DNAH2: variants seen among roughly 807,000 people sequenced by gnomAD.
DNAH2 encodes the protein dynein axonemal heavy chain 2, also known as axonemal beta dynein heavy chain 2.
In DNAH2, 323 loss-of-function variants were observed where a neutral mutation model predicts 523.5. That is an observed-to-expected ratio of 0.62 (90% CI 0.56 to 0.68). DNAH2 has a LOEUF of 0.68. DNAH2 is among the 30% of genes least tolerant of loss of function. The pLI is 0.00. For missense variants in DNAH2, 4,907 were observed against 5,701.5 expected, an observed-to-expected ratio of 0.86 and a Z score of 4.49; for synonymous variants, 2,093 against 2,177.4, an observed-to-expected ratio of 0.96 and a Z score of 1.08.
intron 4 of DNAH2, among the ~76,000 whole-genome samples, chr17:7,730,693 A>G (rs921650305): frequency 2.0e-5 from 3 of 152,186 alleles, no homozygotes; most frequent in African/African-American, 7.2e-5. Flanking sequence ...GACTATTAGA[A>G]ATATCAATGC....
chr17:7,761,669 G>A (rs1371812588), intron 18 of DNAH2, among the ~76,000 whole-genome samples: 1 of 152,022 alleles, frequency 6.6e-6, no homozygotes, highest in Admixed American at 6.6e-5. Context: ...ATTTTTAGTA[G>A]AGACAGGGTT....
chr17:7,817,560 G>C lies in DNAH2; in HGVS notation c.10021-1G>C. On this transcript the variant is annotated splice_acceptor_variant, in intron 65 of 85. Transcript: ENST00000572933. LOFTEE classifies it high-confidence loss of function. The stretch of plus-strand genomic sequence containing the variant: ...AAAGCATGGGGCTTTTCTCTCCCCA[G>C]ATCTGGGAGCTTCAGGTTCCTTGCT... The C allele has an allele frequency of 1.2e-6, 2 of 1,614,118 alleles. No individual in the cohort carries two copies. Among genetic ancestry groups the C allele is most frequent in the East Asian group, 2.2e-5 (1 of 44,878 alleles).
At chr17:7,782,370 G>A (rs1225566415) in intron 39 of DNAH2, among the ~76,000 whole-genome samples, 1 of 152,140 alleles carries the variant, frequency 6.6e-6, no homozygotes, top group Non-Finnish European at 1.5e-5. Flanking sequence ...GCTCTCACAT[G>A]GTTTCCAGTC....
Position 7,818,322 on chromosome 17 carries a change from G to C in DNAH2, c.10398G>C (p.Leu3466=). 1 of 1,614,134 alleles carries C rather than the reference G, an allele frequency of 6.2e-7. No homozygotes were observed. The highest frequency in any genetic ancestry group is 8.5e-7 in the Non-Finnish European group (1 of 1,180,038). The change falls in exon 69 of 86, where the codon CTG becomes CTC. Residue 3466 remains leucine, a synonymous_variant. Coordinates refer to ENST00000572933, the MANE Select transcript of DNAH2 (RefSeq NM_020877.5). Reference sequence around the variant, plus strand: ...CTTCCGTGGATGCAGGTGGTCGGCTGTTGATGCGCATTGGCGATAAGGAGG... The same window carrying C: ...CTTCCGTGGATGCAGGTGGTCGGCTCTTGATGCGCATTGGCGATAAGGAGG... ...NKSVARIGGR[L]LMRIGDKEVE...
rs2078177654 is a variant in DNAH2, at chr17:7,831,617, C to T, written c.12612-44C>T. The stretch of plus-strand genomic sequence containing the variant: ...TTTGCCTTCTGGCTAGAATGACGTT[C>T]CCAGGCCCACCTCATCTCTAACACT... On this transcript the variant is annotated intron_variant, in intron 81 of 85. Transcript: ENST00000572933. This position sits in a 1 kb window ranked among gnomAD's most constrained non-coding sequence, Gnocchi z 4.2. 3.1e-6 allele frequency: 5 copies of T among 1,612,934 alleles called. No individual in the cohort carries two copies. Among genetic ancestry groups the T allele is most frequent in the African/African-American group, 1.3e-5 (1 of 75,002 alleles).
Position 7,733,103 on chromosome 17 carries a change from T to C in DNAH2, c.416T>C (p.Val139Ala), listed in dbSNP as rs1726081275. The C allele has an allele frequency of 1.9e-6, 3 of 1,614,178 alleles. No individual in the cohort carries two copies. Among genetic ancestry groups the C allele is most frequent in the Non-Finnish European group, 2.5e-6 (3 of 1,180,032 alleles). The change falls in exon 5 of 86, where the codon GTC becomes GCC. Residue 139 changes from valine (V) to alanine (A), a missense_variant. Transcript: ENST00000572933. ...TCCATGCAGACCCAGAACCAGCTTG[T>C]CTACTTCATTCGCCAAGCACCAGTT... ...GMPVQTQNQLVYFIRQAPVPI... is the reference protein window; with the variant it reads ...GMPVQTQNQLAYFIRQAPVPI...
chr17:7,813,945 G>A (rs2077588407), intron 63 of DNAH2, among the ~76,000 whole-genome samples: 1 of 151,648 alleles, frequency 6.6e-6, no homozygotes, highest in African/African-American at 2.4e-5. Context: ...AAAAAAATAT[G>A]TGAGTGCTGG....
At chr17:7,775,691 C>CAA (rs1184382847) in intron 30 of DNAH2, among the ~76,000 whole-genome samples, 2 of 82,860 alleles carry the variant, frequency 2.4e-5, no homozygotes, top group African/African-American at 7.7e-5. Context: ...GTCTCAAAAC[C>CAA]AAAAAAAAAA....
rs200008933 is a variant in DNAH2, at chr17:7,807,342, G to T, written c.9612+23G>T. ...GAGGTAAAGGCGTCAGGGCTGGGGC[G>T]GGGCGGTAGGGAGGGCAGGCCTGGG... is the stretch of plus-strand genomic sequence containing the variant. On this transcript the variant is annotated intron_variant, in intron 62 of 85. Transcript: ENST00000572933. The surrounding 1 kb of genome is among the most constrained non-coding windows in gnomAD (Gnocchi z 5.6). The T allele has an allele frequency of 2.5e-6, 4 of 1,606,426 alleles. No homozygotes were observed. The highest frequency in any genetic ancestry group is 3.4e-6 in the Non-Finnish European group (4 of 1,176,486).
chr17:7,745,232 T>C (rs1164794362), intron 12 of DNAH2, among the ~76,000 whole-genome samples: 2 of 152,102 alleles, frequency 1.3e-5, no homozygotes, highest in African/African-American at 4.8e-5. Flanking sequence ...TGACCTCAGG[T>C]GATCTGGCCA....
rs759135538 is a variant in DNAH2 at position 7,778,228 on chromosome 17, A to T, written c.5351+48A>T. ...GGTGGCTGGGGTGGGGGGCAGCAGA[A>T]GCTGAGAGAGGCTTCCAGGAGTCTG... On this transcript the variant is annotated intron_variant, in intron 34 of 85. Transcript: ENST00000572933. The T allele has an allele frequency of 4.2e-5, 67 of 1,613,992 alleles. 2 individuals are homozygous for T. In the South Asian group the frequency reaches 6.9e-4, roughly 17 times the overall value.
Position 7,819,249 on chromosome 17 carries a change from T to G in DNAH2, c.10856T>G (p.Phe3619Cys). 1 of 1,614,112 alleles carries G rather than the reference T, an allele frequency of 6.2e-7. No individual in the cohort carries two copies. Residue 3619 changes from phenylalanine (F) to cysteine (C), a missense_variant, in exon 72 of 86, where the codon TTC (phenylalanine) becomes TGC (cysteine). By Grantham distance (205) the Phe-to-Cys change is radical. Transcript: ENST00000572933. ...GCCCAGCGGGCATCAATCCTGTTCT[T>G]CGTGCTCAATGATATGGGCTGCATC... is the stretch of plus-strand genomic sequence containing the variant. ...PCAQRASILFFVLNDMGCIDP... is the reference protein window; with the variant it reads ...PCAQRASILFCVLNDMGCIDP...
rs2075219625 is a variant in DNAH2 at position 7,738,837 on chromosome 17, G to A, written c.1171-896G>A. On this transcript the variant is annotated intron_variant, in intron 8 of 85. Transcript: ENST00000572933. ...GTTTCTCGGGGTCTGATTTTTCTAG[G>A]GCTTTCCCTGAATGCAGGGCTCCTG... 8.0e-6 allele frequency: 5 copies of A among 625,398 alleles called. No homozygotes were observed. The East Asian group carries it at 1.4e-4, about 17-fold the overall frequency. 38.7% of individuals were successfully genotyped at this position (625,398 alleles called of 1,614,324 possible).
In DNAH2 at chr17:7,764,225, C is replaced by T. The variant is rs201377977; in HGVS notation, c.3288C>T (p.His1096=). 34 of 1,613,738 alleles carry T rather than the reference C, an allele frequency of 2.1e-5. No homozygotes were observed. Among genetic ancestry groups the T allele is most frequent in the African/African-American group, 1.3e-4 (10 of 75,032 alleles). Reference sequence around the variant, plus strand: ...TGGAGACTCAGATCCCTCCCATACACGAGCAATTTGCCATTCTTGAAAAGT... The same window carrying T: ...TGGAGACTCAGATCCCTCCCATACATGAGCAATTTGCCATTCTTGAAAAGT... ...ANVETQIPPI[H]EQFAILEKYE... The change falls in exon 20 of 86, where the codon CAC becomes CAT. Residue 1096 remains histidine, a synonymous_variant. Coordinates refer to ENST00000572933, the MANE Select transcript of DNAH2 (RefSeq NM_020877.5).
Position 7,824,654 on chromosome 17 carries a change from G to A in DNAH2, c.11780G>A (p.Ser3927Asn). 1.2e-6 allele frequency: 2 copies of A among 1,607,218 alleles called. No homozygotes were observed. The highest frequency in any genetic ancestry group is 1.7e-6 in the Non-Finnish European group (2 of 1,175,682). The part of the protein sequence containing the change: ...DPHPSFRLWL[S>N]SIPHPDFPIS... The stretch of plus-strand genomic sequence containing the variant: ...CATCCATCCTTCCGCCTCTGGCTCA[G>A]CTCCATCCCCCACCCAGACTTCCCT... Residue 3927 changes from serine to asparagine, a missense_variant, in exon 77 of 86, where the codon AGC (serine) becomes AAC (asparagine). By Grantham distance (46) the Ser-to-Asn change is conservative. Transcript: ENST00000572933.
rs752339182 is a variant in DNAH2, at chr17:7,824,085, G to A, written c.11479-36G>A. ...CTCTCTCTCCCACTTTGGTCATGTGGCCTTCTGCCTGATGCTATACCTGTG... is the reference window on the plus strand; with the variant it reads ...CTCTCTCTCCCACTTTGGTCATGTGACCTTCTGCCTGATGCTATACCTGTG... On this transcript the variant is annotated intron_variant, in intron 75 of 85. Coordinates refer to ENST00000572933, the MANE Select transcript of DNAH2 (RefSeq NM_020877.5). 4.5e-6 allele frequency: 7 copies of A among 1,567,914 alleles called. No homozygotes were observed. In the South Asian group the frequency reaches 7.1e-5, roughly 16 times the overall value.
intron 4 of DNAH2, among the ~76,000 whole-genome samples, chr17:7,729,981 G>C (rs913237736): frequency 6.6e-6 from 1 of 152,106 alleles, no homozygotes; most frequent in African/African-American, 2.4e-5. Flanking sequence ...AAAATGAAAA[G>C]AAATTGCATG....
intron 70 of DNAH2, 71 bp from the exon 71 acceptor site, chr17:7,818,848 G>T: frequency 1.2e-6 from 2 of 1,608,996 alleles, no homozygotes; most frequent in South Asian, 2.2e-5. Context: ...GTCTACCCCA[G>T]GCACAACAGC....
At chr17:7,827,141 C>T (rs2078042262) in intron 77 of DNAH2, among the ~76,000 whole-genome samples, 1 of 152,034 alleles carries the variant, frequency 6.6e-6, no homozygotes, top group East Asian at 1.9e-4. Flanking sequence ...TGTAGTTCTT[C>T]ATATATTCCA....
Sources: gnomAD v4.1 joint callset for allele counts (sites outside exome capture counted in the v4.1 genomes callset) on GRCh38, gnomAD v4.1.1 for gene constraint, Gnocchi (gnomAD v3.1) non-coding constraint, MANE v1.5 for transcripts, NCBI Gene and HGNC (gene_info 2026-07-23, HGNC 2026-07-21) for gene names.